Variants in UMAD1 observed in about 807,000 individuals in gnomAD.
The protein encoded by UMAD1 is UBAP1-MVB12-associated (UMA)-domain containing protein 1.
UMAD1 carries 8 observed loss-of-function variants against 6.1 expected under a neutral mutation model. The ratio of observed to expected loss-of-function variants is 1.30; its 90% confidence interval spans 0.76 to 2.35. UMAD1 has a LOEUF of 2.35. Among genes scored for constraint, UMAD1 ranks in the 30% most tolerant of loss-of-function variants. UMAD1 has a pLI of 0.00. For missense variants in UMAD1, 130 were observed against 78.4 expected, an observed-to-expected ratio of 1.66 and a Z score of -2.49; for synonymous variants, 56 against 31.4, an observed-to-expected ratio of 1.78 and a Z score of -2.61.
intron 2 of UMAD1, among the ~76,000 whole-genome samples, chr7:7,739,800 A>C (rs1283460575): frequency 6.6e-6 from 1 of 152,226 alleles, no homozygotes; most frequent in Admixed American, 6.5e-5. Context: ...ATTCATGAAG[A>C]GTAGAAGAAA....
intron 1 of UMAD1, among the ~76,000 whole-genome samples, chr7:7,654,431 G>C (rs919281651): frequency 1.3e-5 from 2 of 152,208 alleles, no homozygotes; most frequent in African/African-American, 4.8e-5. Context: ...AGACAGTACA[G>C]TTATCCTTCG....
At chr7:7,680,464 A>T (rs916810341) in intron 2 of UMAD1, among the ~76,000 whole-genome samples, 14 of 152,080 alleles carry the variant, frequency 9.2e-5, no homozygotes, top group Admixed American at 7.2e-4. Context: ...ATTTGAAGTC[A>T]GGTAGTGTGA....
intron 2 of UMAD1, among the ~76,000 whole-genome samples, chr7:7,782,999 C>T (rs1238882143): frequency 6.6e-6 from 1 of 152,202 alleles, no homozygotes; most frequent in African/African-American, 2.4e-5. Flanking sequence ...TCCCAAAGCA[C>T]TGGGATTACA....
chr7:7,686,789 T>C (rs1345200766), intron 2 of UMAD1, among the ~76,000 whole-genome samples: 1 of 152,224 alleles, frequency 6.6e-6, no homozygotes, highest in Non-Finnish European at 1.5e-5. Flanking sequence ...GTGAAGATTA[T>C]GATGAAGTTT....
At chr7:7,759,995 C>G (rs1162828569) in intron 2 of UMAD1, among the ~76,000 whole-genome samples, 10 of 152,088 alleles carry the variant, frequency 6.6e-5, no homozygotes, top group Non-Finnish European at 1.5e-5. Flanking sequence ...TGATGACTGC[C>G]TCAGTCAATA....
intron 1 of UMAD1, among the ~76,000 whole-genome samples, chr7:7,642,753 G>C (rs1454868085): frequency 6.6e-6 from 1 of 152,170 alleles, no homozygotes; most frequent in Non-Finnish European, 1.5e-5. Context: ...AACTTTACCA[G>C]TTACCAGTAA....
At position 7,878,291 on chromosome 7, in the gene UMAD1, C is replaced by G. The variant is rs1784462270; in HGVS notation, c.*753C>G. ...CGGTTGCCATTTGCTCTCCTTACCA[C>G]ATATGTTCCCAGTTTATGAAGAGAT... On this transcript the variant is annotated 3_prime_UTR_variant, in exon 4 of 4. Transcript: ENST00000682710. 6.6e-6 allele frequency: 1 copy of G among 152,298 alleles called. No homozygotes were observed. The highest frequency in any genetic ancestry group is 1.5e-5 in the Non-Finnish European group (1 of 68,092). 9.4% of individuals were successfully genotyped at this position (152,298 alleles called of 1,614,324 possible).
intron 2 of UMAD1, among the ~76,000 whole-genome samples, chr7:7,693,223 G>A (rs1228455967): frequency 1.3e-5 from 2 of 152,060 alleles, no homozygotes; most frequent in Non-Finnish European, 2.9e-5. Flanking sequence ...ATTGTACTGT[G>A]CTTCTTGTTT....
chr7:7,702,964 C>T (rs576116127), intron 2 of UMAD1, among the ~76,000 whole-genome samples: 7 of 152,322 alleles, frequency 4.6e-5, no homozygotes, highest in Non-Finnish European at 8.8e-5. Flanking sequence ...GTCCTGTTGT[C>T]GTGTAAACTT....
At position 7,877,569 on chromosome 7, in the gene UMAD1, T is replaced by C; in HGVS notation, c.*31T>C. On this transcript the variant is annotated 3_prime_UTR_variant, in exon 4 of 4. Transcript: ENST00000682710. Reference sequence around the variant, plus strand: ...ATGTCTGTTTGCACCTTAACAGCTTTAAAATATGTTCGCCTATTTTATCTA... The same window carrying C: ...ATGTCTGTTTGCACCTTAACAGCTTCAAAATATGTTCGCCTATTTTATCTA... The C allele has an allele frequency of 1.4e-6, 1 of 709,406 alleles. No homozygotes were observed. The allele number at this position is 709,406 out of a possible 1,614,324, so 43.9% of individuals were successfully genotyped here.
At chr7:7,691,138 T>G (rs1305998888) in intron 2 of UMAD1, among the ~76,000 whole-genome samples, 1 of 152,156 alleles carries the variant, frequency 6.6e-6, no homozygotes, top group African/African-American at 2.4e-5. Context: ...TTTCACAGTT[T>G]GTAGGGGAAA....
chr7:7,753,468 C>G (rs1336800733), intron 2 of UMAD1, among the ~76,000 whole-genome samples: 1 of 152,152 alleles, frequency 6.6e-6, no homozygotes, highest in Non-Finnish European at 1.5e-5. Context: ...CTCTCTATTT[C>G]CATAAGTTCA....
chr7:7,869,728 G>A (rs982870736), intron 3 of UMAD1, among the ~76,000 whole-genome samples: 9 of 152,122 alleles, frequency 5.9e-5, no homozygotes, highest in South Asian at 4.1e-4. Flanking sequence ...TTGTTAGTGC[G>A]TCTGCAAAGT....
intron 2 of UMAD1, among the ~76,000 whole-genome samples, chr7:7,751,915 G>C (rs1012938852): frequency 6.6e-6 from 1 of 152,134 alleles, no homozygotes; most frequent in African/African-American, 2.4e-5. Flanking sequence ...TCCTCACACA[G>C]GATTGCTTTG....
At chr7:7,747,248 G>T (rs1241845865) in intron 2 of UMAD1, among the ~76,000 whole-genome samples, 1 of 152,102 alleles carries the variant, frequency 6.6e-6, no homozygotes, top group East Asian at 1.9e-4. Flanking sequence ...GTTTCAAAAG[G>T]CCCCACTACA....
chr7:7,703,861 G>A (rs745322313), intron 2 of UMAD1, among the ~76,000 whole-genome samples: 1 of 152,118 alleles, frequency 6.6e-6, no homozygotes, highest in Non-Finnish European at 1.5e-5. Flanking sequence ...AGGATTGCTT[G>A]AGCCTGGGAG....
chr7:7,673,366 G>C lies in UMAD1; in HGVS notation c.-6G>C. On this transcript the variant is annotated 5_prime_UTR_variant, in exon 2 of 4. Coordinates refer to ENST00000682710, the MANE Select transcript of UMAD1 (RefSeq NM_001302348.2). ...AGCAGCAGCAGCAGCAGCAGCAGCA[G>C]CAGCAATGTTTCACTTCTTCAGAAA... 1 of 1,080,780 alleles carries C rather than the reference G, an allele frequency of 9.3e-7. No individual in the cohort carries two copies. The highest frequency in any genetic ancestry group is 1.3e-6 in the Non-Finnish European group (1 of 749,030). The allele number at this position is 1,080,780 out of a possible 1,614,324, so 66.9% of individuals were successfully genotyped here. A position where few individuals can be genotyped will look rare whatever the true frequency, so the allele number is the denominator to read the frequency against.
In UMAD1 at chr7:7,878,589, T is replaced by C. The variant is rs1784468110; in HGVS notation, c.*1051T>C. 6.6e-6 allele frequency: 1 copy of C among 152,216 alleles called. No individual in the cohort carries two copies. Among genetic ancestry groups the C allele is most frequent in the African/African-American group, 2.4e-5 (1 of 41,456 alleles). 9.4% of individuals were successfully genotyped at this position (152,216 alleles called of 1,614,324 possible). ...TGTAAAGGGAAGAGGTAAATTGTGA[T>C]AGAGAATTTTCTATGTCATGGGAAA... On this transcript the variant is annotated 3_prime_UTR_variant, in exon 4 of 4. Transcript: ENST00000682710.
At chr7:7,862,248 C>A (rs925392628) in intron 3 of UMAD1, among the ~76,000 whole-genome samples, 1 of 151,562 alleles carries the variant, frequency 6.6e-6, no homozygotes, top group Non-Finnish European at 1.5e-5. Flanking sequence ...ATTTTCTTAC[C>A]AGGTTTAAAA....
Sources: allele counts gnomAD v4.1 joint callset (sites outside exome capture counted in the v4.1 genomes callset), GRCh38; gene constraint gnomAD v4.1.1; transcripts MANE v1.5; gene names NCBI Gene and HGNC (gene_info 2026-07-23, HGNC 2026-07-21).